The following CYP39A1 variants were observed in gnomAD, a reference collection of about 807,000 sequenced individuals.
The protein encoded by CYP39A1 is 24-hydroxycholesterol 7-alpha-hydroxylase.
Under a neutral mutation model 58.1 loss-of-function variants are expected in CYP39A1, and 49 were observed. The ratio of observed to expected loss-of-function variants is 0.84; its 90% CI spans 0.67 to 1.07. The LOEUF is 1.07. CYP39A1 is among the 50% of genes least tolerant of loss of function. The pLI, the probability that CYP39A1 is intolerant of heterozygous loss-of-function variation, is 0.00. For missense variants in CYP39A1, 531 were observed against 539.4 expected, an observed-to-expected ratio of 0.98 and a Z score of 0.16; for synonymous variants, 209 against 187.6, an observed-to-expected ratio of 1.11 and a Z score of -0.93.
At chr6:46,601,280 C>T (rs947359367) in intron 7 of CYP39A1, among the ~76,000 whole-genome samples, 3 of 152,148 alleles carry the variant, frequency 2.0e-5, no homozygotes, top group South Asian at 2.1e-4. Flanking sequence ...TTGTCCAAGC[C>T]GTGAATATTT....
chr6:46,598,451 A>G (rs1395510633), intron 7 of CYP39A1, among the ~76,000 whole-genome samples: 1 of 152,198 alleles, frequency 6.6e-6, no homozygotes, highest in Non-Finnish European at 1.5e-5. Flanking sequence ...GTTATTAAGA[A>G]CTAAAACATG....
intron 10 of CYP39A1, among the ~76,000 whole-genome samples, chr6:46,566,594 T>C (rs903109922): frequency 4.6e-5 from 7 of 152,098 alleles, no homozygotes; most frequent in African/African-American, 1.4e-4. Flanking sequence ...ATGGGGATTA[T>C]GGGGATTATA....
intron 10 of CYP39A1, among the ~76,000 whole-genome samples, chr6:46,566,851 C>T (rs888871159): frequency 2.0e-5 from 3 of 150,768 alleles, no homozygotes; most frequent in Non-Finnish European, 3.0e-5. Context: ...TATATATATA[C>T]ACACACATAC....
intron 5 of CYP39A1, among the ~76,000 whole-genome samples, chr6:46,632,083 G>A (rs1775696730): frequency 6.6e-6 from 1 of 152,070 alleles, no homozygotes; most frequent in Non-Finnish European, 1.5e-5. Flanking sequence ...ATAACTCCAA[G>A]ATGCAGATAC....
intron 5 of CYP39A1, among the ~76,000 whole-genome samples, chr6:46,634,666 C>A (rs577894191): frequency 5.3e-5 from 8 of 151,624 alleles, no homozygotes; most frequent in African/African-American, 1.2e-4. Context: ...GGATTACAGG[C>A]GCGCACCACC....
chr6:46,642,677 G>T (rs554796043), intron 1 of CYP39A1, among the ~76,000 whole-genome samples: 1 of 152,216 alleles, frequency 6.6e-6, no homozygotes, highest in East Asian at 1.9e-4. Flanking sequence ...TCAACAAAAA[G>T]GTTCAAAATT....
At chr6:46,620,395 A>T (rs1774882432) in intron 7 of CYP39A1, among the ~76,000 whole-genome samples, 1 of 152,160 alleles carries the variant, frequency 6.6e-6, no homozygotes, top group African/African-American at 2.4e-5. Flanking sequence ...CAGTATGAAA[A>T]GCCTTTCCTC....
chr6:46,564,148 TTATTC>T (rs1771147517), intron 10 of CYP39A1, among the ~76,000 whole-genome samples: 1 of 106,988 alleles, frequency 9.3e-6, no homozygotes, highest in African/African-American at 4.2e-5. Context: ...CTATTCTATT[TTATTC>T]TATTTTATTC....
At chr6:46,623,623 G>A (rs1775113756) in intron 7 of CYP39A1, among the ~76,000 whole-genome samples, 1 of 152,034 alleles carries the variant, frequency 6.6e-6, no homozygotes, top group Non-Finnish European at 1.5e-5. Flanking sequence ...TGTCTTTTGA[G>A]TTTTCTCTCT....
chr6:46,566,338 G>A (rs967279449), intron 10 of CYP39A1, among the ~76,000 whole-genome samples: 1 of 152,124 alleles, frequency 6.6e-6, no homozygotes, highest in Non-Finnish European at 1.5e-5. Flanking sequence ...AAGGAAAGAG[G>A]CTCAATTGAC....
At chr6:46,597,332 A>T (rs1247695038) in intron 7 of CYP39A1, among the ~76,000 whole-genome samples, 1 of 152,160 alleles carries the variant, frequency 6.6e-6, no homozygotes, top group Non-Finnish European at 1.5e-5. Flanking sequence ...AGAGACAAGC[A>T]CACAGTTGAC....
chr6:46,620,481 A>G (rs1197282958), intron 7 of CYP39A1, among the ~76,000 whole-genome samples: 1 of 152,212 alleles, frequency 6.6e-6, no homozygotes, highest in African/African-American at 2.4e-5. Flanking sequence ...TAACTGTTGG[A>G]CAAACAACAG....
At chr6:46,652,336 G>A (rs1041900674) in intron 1 of CYP39A1, 70 bp downstream of exon 1, 1 of 1,451,244 alleles carries the variant, frequency 6.9e-7, no homozygotes. Context: ...GCACTTAAGA[G>A]TCAATGAAAG....
chr6:46,578,068 A>C (rs922150185), intron 10 of CYP39A1, among the ~76,000 whole-genome samples: 3 of 152,124 alleles, frequency 2.0e-5, no homozygotes, highest in South Asian at 4.1e-4. Flanking sequence ...CCAAAACCAT[A>C]CCAACCACAC....
intron 7 of CYP39A1, among the ~76,000 whole-genome samples, chr6:46,600,697 T>A (rs1773439782): frequency 6.6e-6 from 1 of 152,070 alleles, no homozygotes; most frequent in African/African-American, 2.4e-5. Flanking sequence ...TGCCGGAGGG[T>A]AACACACCCA....
intron 7 of CYP39A1, among the ~76,000 whole-genome samples, chr6:46,607,951 T>C (rs1773952785): frequency 6.6e-6 from 1 of 152,136 alleles, no homozygotes; most frequent in East Asian, 1.9e-4. Context: ...TTGTTTAAAA[T>C]ATATAAAGTT....
chr6:46,591,278 T>G lies in CYP39A1; in HGVS notation c.1066-3149A>C, dbSNP rs531886848. Among the ~76,000 whole-genome samples, 56 of 152,234 alleles carry G rather than the reference T, an allele frequency of 3.7e-4. No homozygotes were observed. In the South Asian group the frequency reaches 0.01, roughly 28 times the overall value. The stretch of plus-strand genomic sequence containing the variant: ...TTTATGTTCTGTCCTGATTAACCTA[T>G]GTGACACTCATTCTTATTGATTTGT... On this transcript the variant is annotated intron_variant, in intron 8 of 11. Transcript: ENST00000275016.
chr6:46,595,258 A>T (rs1396276759), intron 8 of CYP39A1, among the ~76,000 whole-genome samples: 1 of 152,006 alleles, frequency 6.6e-6, no homozygotes, highest in Non-Finnish European at 1.5e-5. Context: ...AAGGTTCCTC[A>T]AAAAATTAAA....
intron 10 of CYP39A1, among the ~76,000 whole-genome samples, chr6:46,572,462 T>C (rs1440399972): frequency 2.0e-5 from 3 of 152,204 alleles, no homozygotes; most frequent in African/African-American, 7.2e-5. Flanking sequence ...CAGAATGTTT[T>C]TTCTTTCAGT....
Sources: gnomAD v4.1 joint callset for allele counts (sites outside exome capture counted in the v4.1 genomes callset) on GRCh38, gnomAD v4.1.1 for gene constraint, MANE v1.5 for transcripts, NCBI Gene and HGNC (gene_info 2026-07-23, HGNC 2026-07-21) for gene names.